The following CADPS2 variants were observed in gnomAD, a reference collection of about 807,000 sequenced individuals.
CADPS2 encodes the protein calcium-dependent secretion activator 2.
A neutral mutation model predicts 172.5 loss-of-function variants in CADPS2; 93 were observed. The observed-to-expected ratio is 0.54, with a 90% CI of 0.46 to 0.64. The LOEUF (loss-of-function observed/expected upper bound fraction) is 0.64. Ranked by LOEUF, CADPS2 falls within the 30% of genes least tolerant of loss-of-function variation. CADPS2 has a pLI of 0.00. For missense variants in CADPS2, 1,420 were observed against 1,565.9 expected (o/e 0.91, Z 1.57); for synonymous variants, 546 against 555.2 (o/e 0.98, Z 0.23).
intron 10 of CADPS2, among the ~76,000 whole-genome samples, chr7:122,490,931 G>A (rs2058227203): frequency 6.6e-6 from 1 of 152,044 alleles, no homozygotes; most frequent in African/African-American, 2.4e-5. Context: ...AGAAGTACAA[G>A]CATGTATTGT....
At chr7:122,876,774 A>G (rs1821329094) in intron 1 of CADPS2, among the ~76,000 whole-genome samples, 1 of 152,184 alleles carries the variant, frequency 6.6e-6, no homozygotes, top group African/African-American at 2.4e-5. Flanking sequence ...ATATCTGAAA[A>G]TAGCCACTTT....
At chr7:122,411,424 T>G (rs1213568399) in intron 19 of CADPS2, among the ~76,000 whole-genome samples, 1 of 151,992 alleles carries the variant, frequency 6.6e-6, no homozygotes, top group African/African-American at 2.4e-5. Flanking sequence ...TTCGCCATGT[T>G]CGCCAGGCTG....
At chr7:122,658,354 T>G (rs1350288762) in intron 3 of CADPS2, among the ~76,000 whole-genome samples, 2 of 93,594 alleles carry the variant, frequency 2.1e-5, no homozygotes, top group East Asian at 6.4e-4. Flanking sequence ...GATCTAGAAC[T>G]AGAAATACCA....
At chr7:122,578,493 CTTAAAATCTTTAGGAGGGCTTA>C (rs2068347457) in intron 7 of CADPS2, among the ~76,000 whole-genome samples, 1 of 152,140 alleles carries the variant, frequency 6.6e-6, no homozygotes, top group Non-Finnish European at 1.5e-5. Context: ...TTTGGTGTGT[CTTAAAATCTTTAGGAGGGCTTA>C]TTAAAACAGA....
chr7:122,537,889 C>T (rs376408857), intron 8 of CADPS2, among the ~76,000 whole-genome samples: 16 of 151,174 alleles, frequency 1.1e-4, no homozygotes, highest in South Asian at 8.3e-4. Context: ...AGGATAAAAA[C>T]GCAAGAGAAG....
At chr7:122,761,200 C>T (rs1370233124) in intron 1 of CADPS2, among the ~76,000 whole-genome samples, 2 of 152,108 alleles carry the variant, frequency 1.3e-5, no homozygotes, top group Non-Finnish European at 2.9e-5. Flanking sequence ...GAAACCCAGA[C>T]ATAACTGAAA....
At chr7:122,677,432 G>C (rs926884020) in intron 2 of CADPS2, among the ~76,000 whole-genome samples, 1 of 152,216 alleles carries the variant, frequency 6.6e-6, no homozygotes, top group African/African-American at 2.4e-5. Flanking sequence ...CAGTGGAATG[G>C]GAGGTGCCTG....
intron 1 of CADPS2, among the ~76,000 whole-genome samples, chr7:122,831,333 G>A (rs753205852): frequency 3.3e-5 from 5 of 152,106 alleles, no homozygotes; most frequent in East Asian, 1.9e-4. Context: ...GGGTGTTTTC[G>A]CTCAACTGGA....
At chr7:122,650,183 T>G (rs2079010223) in intron 3 of CADPS2, among the ~76,000 whole-genome samples, 7 of 151,814 alleles carry the variant, frequency 4.6e-5, no homozygotes, top group Non-Finnish European at 8.8e-5. Context: ...GTGCTGGGAT[T>G]ACAGGTGTGA....
chr7:122,666,245 G>C (rs554694918), intron 2 of CADPS2, among the ~76,000 whole-genome samples: 124 of 152,164 alleles, frequency 8.1e-4, no homozygotes, highest in Non-Finnish European at 1.5e-3. Flanking sequence ...GTGGAACTCA[G>C]GGAAGCTCAG....
chr7:122,756,303 TATC>T (rs1334325555), intron 1 of CADPS2, among the ~76,000 whole-genome samples: 1 of 152,196 alleles, frequency 6.6e-6, no homozygotes, highest in African/African-American at 2.4e-5. Flanking sequence ...GTTGCTTAGT[TATC>T]ATTTGTATCC....
intron 25 of CADPS2, among the ~76,000 whole-genome samples, chr7:122,373,117 T>C (rs1031407629): frequency 2.0e-5 from 3 of 152,150 alleles, no homozygotes; most frequent in Non-Finnish European, 2.9e-5. Context: ...ACTTCATAAC[T>C]CTTTTAAAAA....
intron 25 of CADPS2, among the ~76,000 whole-genome samples, chr7:122,377,370 C>T (rs2042479173): frequency 6.6e-6 from 1 of 152,142 alleles, no homozygotes; most frequent in African/African-American, 2.4e-5. Flanking sequence ...AGATGACATG[C>T]AGCCCCATCT....
At chr7:122,656,425 C>G (rs901990232) in intron 3 of CADPS2, among the ~76,000 whole-genome samples, 9 of 151,690 alleles carry the variant, frequency 5.9e-5, no homozygotes, top group African/African-American at 2.2e-4. Context: ...TACTGAAAAG[C>G]AAAAACAAAA....
At chr7:122,562,156 C>A (rs562751603) in intron 7 of CADPS2, among the ~76,000 whole-genome samples, 1 of 152,202 alleles carries the variant, frequency 6.6e-6, no homozygotes, top group Non-Finnish European at 1.5e-5. Flanking sequence ...ACTGGCTTCC[C>A]AAAGATGCCC....
At chr7:122,618,001 G>A (rs894361222) in intron 5 of CADPS2, among the ~76,000 whole-genome samples, 3 of 150,210 alleles carry the variant, frequency 2.0e-5, no homozygotes, top group Admixed American at 6.7e-5. Context: ...CCGAGATCGT[G>A]CCACTGCACT....
At chr7:122,857,540 C>A (rs535781935) in intron 1 of CADPS2, among the ~76,000 whole-genome samples, 2 of 152,164 alleles carry the variant, frequency 1.3e-5, no homozygotes, top group Admixed American at 6.5e-5. Context: ...AGATCAATAA[C>A]CACCTGGGCA....
chr7:122,849,548 C>G lies in CADPS2; in HGVS notation c.339+36451G>C, dbSNP rs1812950097. ...CCAGCTGTCCGCAACATCTTTATCA[C>G]CTATTCACACTTTCCAAGCAAAGTG... On this transcript the variant is annotated intron_variant, in intron 1 of 29. Coordinates refer to ENST00000449022, the MANE Select transcript of CADPS2 (RefSeq NM_017954.11). Among the ~76,000 whole-genome samples, 3 of 152,178 alleles carry G rather than the reference C, an allele frequency of 2.0e-5. No individual in the cohort carries two copies. The South Asian group carries it at 6.2e-4, about 32-fold the overall frequency.
intron 1 of CADPS2, among the ~76,000 whole-genome samples, chr7:122,769,722 G>A (rs752844113): frequency 5.9e-5 from 9 of 152,128 alleles, no homozygotes; most frequent in East Asian, 1.9e-4. Context: ...GGGGCAATAC[G>A]GGATCGCACA....
Sources: gnomAD v4.1 joint callset for allele counts (sites outside exome capture counted in the v4.1 genomes callset) on GRCh38, gnomAD v4.1.1 for gene constraint, MANE v1.5 for transcripts, NCBI Gene and HGNC (gene_info 2026-07-23, HGNC 2026-07-21) for gene names.